The following DOCK3 variants were observed in gnomAD, a reference collection of about 807,000 sequenced individuals.
DOCK3 encodes dedicator of cytokinesis 3.
DOCK3 carries 60 observed loss-of-function variants against 265.6 expected under a neutral mutation model. The ratio of observed to expected loss-of-function variants is 0.23; its 90% CI spans 0.18 to 0.28. The LOEUF is 0.28. Among genes scored for constraint, DOCK3 ranks in the 10% least tolerant of loss-of-function variants. The pLI is 1.00. For synonymous variants in DOCK3, 881 were observed against 938.0 expected (o/e 0.94, Z 1.11); for missense variants, 1,981 against 2,594.3 (o/e 0.76, Z 5.14).
intron 35 of DOCK3, among the ~76,000 whole-genome samples, chr3:51,333,996 A>G (rs558006555): frequency 4.6e-5 from 7 of 151,906 alleles, no homozygotes; most frequent in African/African-American, 1.7e-4. Context: ...TCATGCCACC[A>G]TGCCCGGCTA....
chr3:51,193,903 T>C (rs1187938130), intron 12 of DOCK3, among the ~76,000 whole-genome samples: 1 of 151,824 alleles, frequency 6.6e-6, no homozygotes, highest in Non-Finnish European at 1.5e-5. Flanking sequence ...TTGTTTTGTT[T>C]TTCTTCAGTC....
chr3:51,118,843 C>G (rs2083883070), intron 9 of DOCK3, among the ~76,000 whole-genome samples: 1 of 151,792 alleles, frequency 6.6e-6, no homozygotes, highest in Admixed American at 6.6e-5. Context: ...TTCCTCCATC[C>G]CTTTATTTTG....
intron 4 of DOCK3, among the ~76,000 whole-genome samples, chr3:50,915,483 C>T (rs571031110): frequency 1.3e-5 from 2 of 152,126 alleles, no homozygotes; most frequent in South Asian, 4.2e-4. Context: ...GCATGGAAGG[C>T]AGGATGCTAG....
At chr3:51,339,054 G>C in intron 37 of DOCK3, 26 bp downstream of exon 37, 5 of 1,536,146 alleles carry the variant, frequency 3.3e-6, no homozygotes, top group Non-Finnish European at 4.4e-6. Flanking sequence ...AGAGAGCCAT[G>C]CCTGACCATG....
chr3:51,238,406 T>C (rs1443941283), intron 21 of DOCK3, among the ~76,000 whole-genome samples: 2 of 152,088 alleles, frequency 1.3e-5, no homozygotes, highest in Non-Finnish European at 2.9e-5. Flanking sequence ...CCTCCCAAAG[T>C]GCTGGGATTA....
chr3:51,017,320 G>C (rs1339606824), intron 5 of DOCK3, among the ~76,000 whole-genome samples: 1 of 150,894 alleles, frequency 6.6e-6, no homozygotes, highest in Non-Finnish European at 1.5e-5. Flanking sequence ...CAAAAAGTCA[G>C]CTTTTTGTTT....
chr3:51,139,450 A>G (rs1463152694), intron 9 of DOCK3, among the ~76,000 whole-genome samples: 1 of 152,152 alleles, frequency 6.6e-6, no homozygotes, highest in Admixed American at 6.5e-5. Context: ...GCATAGTGTG[A>G]TGGTGATGTA....
chr3:51,210,767 G>C (rs4619816), intron 13 of DOCK3, among the ~76,000 whole-genome samples: 1 of 151,996 alleles, frequency 6.6e-6, no homozygotes, highest in Non-Finnish European at 1.5e-5. Context: ...ATCTTTGTTA[G>C]ATATTGTGGA....
chr3:51,240,228 A>G lies in DOCK3; in HGVS notation c.2102+2638A>G, dbSNP rs145616381. ...CCCAGAAGTTATTCAGGAGCAAGTT[A>G]TTGCATTTCCATGTAATTTTATGGT... On this transcript the variant is annotated intron_variant, in intron 21 of 52. Coordinates refer to ENST00000266037, the MANE Select transcript of DOCK3 (RefSeq NM_004947.5). Among the ~76,000 whole-genome samples, 27 of 152,300 alleles carry G rather than the reference A, an allele frequency of 1.8e-4. No individual in the cohort carries two copies. The East Asian group carries it at 2.7e-3, about 15-fold the overall frequency.
intron 32 of DOCK3, among the ~76,000 whole-genome samples, chr3:51,316,425 ATTTCT>A (rs1560421494): frequency 6.6e-6 from 1 of 152,190 alleles, no homozygotes; most frequent in Non-Finnish European, 1.5e-5. Context: ...TACTAAAAAC[ATTTCT>A]TTACAGGTTT....
chr3:51,342,915 C>T (rs1445905646), intron 38 of DOCK3, among the ~76,000 whole-genome samples: 1 of 152,134 alleles, frequency 6.6e-6, no homozygotes, highest in African/African-American at 2.4e-5. Flanking sequence ...TGAGTAGAGA[C>T]CACTCAGTGA....
At chr3:51,049,793 C>CACACACA (rs1553745084) in intron 5 of DOCK3, among the ~76,000 whole-genome samples, 524 of 147,300 alleles carry the variant, frequency 3.6e-3, no homozygotes, top group African/African-American at 0.012. Context: ...CCTAATGGGT[C>CACACACA]CACACACACA....
At chr3:51,370,484 G>A (rs1190903733) in intron 49 of DOCK3, among the ~76,000 whole-genome samples, 1 of 152,176 alleles carries the variant, frequency 6.6e-6, no homozygotes, top group Non-Finnish European at 1.5e-5. Context: ...GAAGAAAGAG[G>A]AGGAATAAGC....
intron 9 of DOCK3, among the ~76,000 whole-genome samples, chr3:51,096,398 A>C (rs1414537953): frequency 1.3e-5 from 2 of 149,918 alleles, no homozygotes; most frequent in Non-Finnish European, 3.0e-5. Context: ...GTTGATCTTC[A>C]GTCTCTGATA....
At chr3:51,207,009 C>G (rs2089253664) in intron 12 of DOCK3, among the ~76,000 whole-genome samples, 1 of 152,068 alleles carries the variant, frequency 6.6e-6, no homozygotes, top group African/African-American at 2.4e-5. Context: ...CCTTGTAGAT[C>G]AGGAGCTTAG....
chr3:51,203,637 C>CT (rs914425644), intron 12 of DOCK3, among the ~76,000 whole-genome samples: 3 of 152,192 alleles, frequency 2.0e-5, no homozygotes, highest in African/African-American at 7.2e-5. Context: ...CTACCAATGA[C>CT]TTTCTTCACA....
At chr3:51,299,853 T>C (rs1464574139) in intron 27 of DOCK3, among the ~76,000 whole-genome samples, 1 of 152,212 alleles carries the variant, frequency 6.6e-6, no homozygotes, top group Non-Finnish European at 1.5e-5. Flanking sequence ...GTGTGATGCA[T>C]ACAGTTTTGT....
chr3:51,285,971 A>G (rs964247507), intron 27 of DOCK3, among the ~76,000 whole-genome samples: 1 of 152,138 alleles, frequency 6.6e-6, no homozygotes, highest in Middle Eastern at 3.2e-3. Context: ...GTTCTAGCCA[A>G]AGCAATCAGG....
At chr3:51,364,702 G>A (rs896508137) in intron 49 of DOCK3, among the ~76,000 whole-genome samples, 2 of 152,096 alleles carry the variant, frequency 1.3e-5, no homozygotes, top group African/African-American at 2.4e-5. Flanking sequence ...TTCTACATAT[G>A]GCTAGCCAGT....
Sources: allele counts gnomAD v4.1 joint callset (sites outside exome capture counted in the v4.1 genomes callset), GRCh38; gene constraint gnomAD v4.1.1; transcripts MANE v1.5; gene names NCBI Gene and HGNC (gene_info 2026-07-23, HGNC 2026-07-21).